Variants in PXDNL observed in about 807,000 individuals in gnomAD.
PXDNL encodes probable oxidoreductase PXDNL.
PXDNL carries 145 observed loss-of-function variants against 150.8 expected under a neutral mutation model. The observed-to-expected ratio is 0.96, with a 90% CI of 0.84 to 1.10. The LOEUF (loss-of-function observed/expected upper bound fraction) is 1.10, where lower values mean the gene tolerates loss of function less well. PXDNL is among the 50% of genes least tolerant of loss of function. The pLI is 0.00. For missense variants in PXDNL, 2,087 were observed against 1,873.9 expected (o/e 1.11, Z -2.10); for synonymous variants, 757 against 725.7 (o/e 1.04, Z -0.69).
intron 21 of PXDNL, among the ~76,000 whole-genome samples, chr8:51,331,827 G>A (rs1385232743): frequency 4.6e-5 from 7 of 152,148 alleles, no homozygotes; most frequent in South Asian, 2.1e-4. Context: ...CCACAGCAGC[G>A]CAGCAAGACT....
At chr8:51,366,318 G>C (rs1249681912) in intron 19 of PXDNL, among the ~76,000 whole-genome samples, 3 of 152,256 alleles carry the variant, frequency 2.0e-5, no homozygotes, top group Middle Eastern at 3.4e-3. Flanking sequence ...TTCAAATAAG[G>C]CAAAGCCCAA....
Position 51,581,986 on chromosome 8 carries a change from A to T in PXDNL, c.308+10641T>A, listed in dbSNP as rs531024645. Among the ~76,000 whole-genome samples, 42 of 152,208 alleles carry T rather than the reference A, an allele frequency of 2.8e-4. 1 individual carries two copies. In the South Asian group the frequency reaches 8.3e-3, roughly 30 times the overall value. ...TACATGGAACACATGGGAATATATT[A>T]GGATTTTTTTAAAGCAGGCTACAAA... On this transcript the variant is annotated intron_variant, in intron 3 of 22. Coordinates refer to ENST00000356297, the MANE Select transcript of PXDNL (RefSeq NM_144651.5).
At chr8:51,385,621 T>G (rs1807683948) in intron 17 of PXDNL, among the ~76,000 whole-genome samples, 1 of 152,236 alleles carries the variant, frequency 6.6e-6, no homozygotes, top group South Asian at 2.1e-4. Context: ...ATTTAAAACA[T>G]AAACTACGTT....
At chr8:51,784,892 T>C (rs2037446640) in intron 1 of PXDNL, among the ~76,000 whole-genome samples, 1 of 152,204 alleles carries the variant, frequency 6.6e-6, no homozygotes, top group South Asian at 2.1e-4. Context: ...CAGGAAAAAT[T>C]ATATTTCTAT....
intron 9 of PXDNL, among the ~76,000 whole-genome samples, chr8:51,455,132 A>AAAAAAAAAAAAAAAAAAC: frequency 6.8e-6 from 1 of 147,400 alleles, no homozygotes; most frequent in Non-Finnish European, 1.5e-5. Flanking sequence ...AAAAAAAAAA[A>AAAAAAAAAAAAAAAAAAC]AGAGGTAAGG....
intron 2 of PXDNL, among the ~76,000 whole-genome samples, chr8:51,639,811 C>G (rs1814701653): frequency 6.6e-6 from 1 of 152,108 alleles, no homozygotes; most frequent in Non-Finnish European, 1.5e-5. Flanking sequence ...TGAAACTATT[C>G]CAATCAATAG....
intron 2 of PXDNL, among the ~76,000 whole-genome samples, chr8:51,643,672 C>T (rs1454502879): frequency 1.3e-5 from 2 of 152,168 alleles, no homozygotes; most frequent in East Asian, 3.9e-4. Flanking sequence ...GCAATGGCAA[C>T]AAAAGCCAAA....
intron 4 of PXDNL, among the ~76,000 whole-genome samples, chr8:51,535,155 C>T (rs1207782241): frequency 2.2e-5 from 3 of 136,424 alleles, no homozygotes; most frequent in East Asian, 2.4e-4. Flanking sequence ...CGCTTCTGCC[C>T]GGCCGCCCCT....
At chr8:51,756,151 T>C (rs1281923457) in intron 1 of PXDNL, among the ~76,000 whole-genome samples, 1 of 152,140 alleles carries the variant, frequency 6.6e-6, no homozygotes, top group Non-Finnish European at 1.5e-5. Flanking sequence ...CCCAGCACTT[T>C]GGGAGGCCAA....
chr8:51,410,949 A>G (rs1808621963), intron 16 of PXDNL, among the ~76,000 whole-genome samples: 1 of 152,228 alleles, frequency 6.6e-6, no homozygotes, highest in African/African-American at 2.4e-5. Flanking sequence ...GCATTTCTCT[A>G]TAAGACACAA....
intron 1 of PXDNL, among the ~76,000 whole-genome samples, chr8:51,693,233 A>G (rs536937836): frequency 3.3e-5 from 5 of 152,370 alleles, no homozygotes; most frequent in African/African-American, 4.8e-5. Context: ...ACAAAAGAGT[A>G]AACAGTCCAA....
At chr8:51,344,148 A>G (rs1276470870) in intron 20 of PXDNL, among the ~76,000 whole-genome samples, 1 of 152,080 alleles carries the variant, frequency 6.6e-6, no homozygotes, top group African/African-American at 2.4e-5. Context: ...TCTATCACTC[A>G]GGGTGGAGTA....
intron 4 of PXDNL, among the ~76,000 whole-genome samples, chr8:51,542,903 A>G (rs192360497): frequency 6.6e-6 from 1 of 152,324 alleles, no homozygotes; most frequent in East Asian, 1.9e-4. Flanking sequence ...GTGATACGTT[A>G]TATCACTGGC....
intron 1 of PXDNL, among the ~76,000 whole-genome samples, chr8:51,716,780 C>G (rs918555270): frequency 6.6e-6 from 1 of 152,220 alleles, no homozygotes; most frequent in Non-Finnish European, 1.5e-5. Context: ...GATTGCACCC[C>G]TAGCTCCTGT....
At position 51,524,092 on chromosome 8, in the gene PXDNL, A is replaced by G. The variant is rs187570058; in HGVS notation, c.381-24322T>C. On this transcript the variant is annotated intron_variant, in intron 4 of 22. Transcript: ENST00000356297. Reference sequence around the variant, plus strand: ...CCACCCATACGATGGGCTTGTCCACAGGGATTTGCCACCTCGGTTCCTCAT... The same window carrying G: ...CCACCCATACGATGGGCTTGTCCACGGGGATTTGCCACCTCGGTTCCTCAT... Among the ~76,000 whole-genome samples the G allele has an allele frequency of 2.8e-4, 43 of 152,296 alleles. No homozygotes were observed. The East Asian group carries it at 7.8e-3, about 27-fold the overall frequency.
At chr8:51,476,513 C>A (rs1239854652) in intron 6 of PXDNL, among the ~76,000 whole-genome samples, 1 of 152,174 alleles carries the variant, frequency 6.6e-6, no homozygotes. Context: ...AAGATAGGCA[C>A]ACAAGTTATT....
chr8:51,380,559 G>A (rs1807500012), intron 17 of PXDNL, among the ~76,000 whole-genome samples: 1 of 152,138 alleles, frequency 6.6e-6, no homozygotes, highest in Non-Finnish European at 1.5e-5. Context: ...CTCTTTGGAA[G>A]AGCAATTTTT....
chr8:51,543,814 C>T (rs563550626), intron 4 of PXDNL, among the ~76,000 whole-genome samples: 5 of 150,400 alleles, frequency 3.3e-5, no homozygotes, highest in African/African-American at 9.8e-5. Flanking sequence ...CTAGAAGATA[C>T]AATTTTTACA....
intron 2 of PXDNL, among the ~76,000 whole-genome samples, chr8:51,644,772 A>C (rs61006212): frequency 0.073 from 11,059 of 151,710 alleles, 1,340 homozygotes; most frequent in African/African-American, 0.25. Flanking sequence ...TTATATTTTT[A>C]AAAAAATAAA....
Sources: gnomAD v4.1 joint callset for allele counts (sites outside exome capture counted in the v4.1 genomes callset) on GRCh38, gnomAD v4.1.1 for gene constraint, MANE v1.5 for transcripts, NCBI Gene and HGNC (gene_info 2026-07-23, HGNC 2026-07-21) for gene names.